Variants in DOCK4 observed in about 807,000 individuals in gnomAD.
The protein encoded by DOCK4 is dedicator of cytokinesis protein 4.
DOCK4 carries 97 observed loss-of-function variants against 268.1 expected under a neutral mutation model. That is an observed-to-expected ratio of 0.36 (90% CI 0.31 to 0.43). The LOEUF is 0.43. DOCK4 is among the 20% of genes least tolerant of loss of function. DOCK4 has a pLI of 1.00. For missense variants in DOCK4, 2,145 were observed against 2,455.7 expected (o/e 0.87, Z 2.67); for synonymous variants, 954 against 887.2 (o/e 1.08, Z -1.34).
chr7:112,173,040 GACATTTATAA>G (rs1818216689), intron 1 of DOCK4, among the ~76,000 whole-genome samples: 1 of 152,162 alleles, frequency 6.6e-6, no homozygotes, highest in African/African-American at 2.4e-5. Flanking sequence ...TGTTCACACA[GACATTTATAA>G]TTTCACTGGT....
At chr7:112,099,447 A>T (rs1318901951) in intron 1 of DOCK4, among the ~76,000 whole-genome samples, 1 of 152,150 alleles carries the variant, frequency 6.6e-6, no homozygotes, top group Non-Finnish European at 1.5e-5. Context: ...AGTTTACCGC[A>T]TTCCCTAACA....
At chr7:111,861,403 G>C (rs1204262562) in intron 23 of DOCK4, among the ~76,000 whole-genome samples, 2 of 151,978 alleles carry the variant, frequency 1.3e-5, no homozygotes, top group African/African-American at 4.8e-5. Flanking sequence ...TCATACAACA[G>C]TAAAAAATAA....
At chr7:112,168,142 A>G (rs1817764828) in intron 1 of DOCK4, among the ~76,000 whole-genome samples, 1 of 152,228 alleles carries the variant, frequency 6.6e-6, no homozygotes, top group Non-Finnish European at 1.5e-5. Context: ...AGTAAAAATC[A>G]GGTATTAATC....
intron 10 of DOCK4, among the ~76,000 whole-genome samples, chr7:111,942,253 T>C (rs1005775286): frequency 2.6e-5 from 4 of 152,142 alleles, no homozygotes; most frequent in Admixed American, 1.3e-4. Context: ...TCTTTTTTTT[T>C]CCTCTCCATC....
At chr7:111,877,490 C>T (rs1167938189) in intron 16 of DOCK4, among the ~76,000 whole-genome samples, 1 of 152,114 alleles carries the variant, frequency 6.6e-6, no homozygotes, top group Non-Finnish European at 1.5e-5. Context: ...ATTGTGTTGT[C>T]ATAAGAATTA....
chr7:111,728,264 G>GA lies in DOCK4; in HGVS notation c.*9dup. 1 of 1,474,510 alleles carries GA rather than the reference G, an allele frequency of 6.8e-7. No individual in the cohort carries two copies. The highest frequency in any genetic ancestry group is 9.0e-7 in the Non-Finnish European group (1 of 1,112,002). The allele number at this position is 1,474,510 out of a possible 1,614,324, so 91.3% of individuals were successfully genotyped here. A position where few individuals can be genotyped will look rare whatever the true frequency, so the allele number is the denominator to read the frequency against. ...GCAAAGAATGCATCGCAGGTACATAGAAAAGTGACTTATAACTGAGAGACC... is the reference window on the plus strand; with the variant it reads ...GCAAAGAATGCATCGCAGGTACATAGAAAAAGTGACTTATAACTGAGAGACC... On this transcript the variant is annotated 3_prime_UTR_variant, in exon 53 of 53. Transcript: ENST00000428084.
intron 50 of DOCK4, 147 bp downstream of exon 50, chr7:111,736,770 C>G: frequency 1.3e-6 from 1 of 746,552 alleles, no homozygotes; most frequent in Non-Finnish European, 2.3e-6. Context: ...GAATAACTGT[C>G]TTTCATTAAT....
intron 28 of DOCK4, 31 bp from the exon 29 acceptor site, chr7:111,809,432 T>C: frequency 6.6e-7 from 1 of 1,511,552 alleles, no homozygotes; most frequent in Non-Finnish European, 9.0e-7. Context: ...ATCAATACTA[T>C]GGTGTTACAA....
chr7:111,873,199 A>G (rs1160287866), intron 17 of DOCK4, among the ~76,000 whole-genome samples: 1 of 152,240 alleles, frequency 6.6e-6, no homozygotes, highest in African/African-American at 2.4e-5. Context: ...AGTCCAGATA[A>G]GCACAGGGCC....
intron 16 of DOCK4, among the ~76,000 whole-genome samples, chr7:111,890,943 C>A (rs1036452566): frequency 6.6e-6 from 1 of 152,240 alleles, no homozygotes; most frequent in South Asian, 2.1e-4. Flanking sequence ...ACATTTTTAA[C>A]GCAGTTTTTT....
chr7:111,960,278 C>T (rs1338253521), intron 8 of DOCK4, among the ~76,000 whole-genome samples: 14 of 150,644 alleles, frequency 9.3e-5, no homozygotes, highest in Admixed American at 3.3e-4. Context: ...GCAGGAGAAT[C>T]GCTTGAACCC....
chr7:111,796,218 G>C (rs1397422467), intron 30 of DOCK4, among the ~76,000 whole-genome samples: 3 of 152,200 alleles, frequency 2.0e-5, no homozygotes, highest in Non-Finnish European at 4.4e-5. Flanking sequence ...GTGAGTTCAA[G>C]TGCTCAAAGT....
chr7:111,827,712 A>G (rs1463464121), intron 26 of DOCK4, among the ~76,000 whole-genome samples: 2 of 152,216 alleles, frequency 1.3e-5, no homozygotes, highest in African/African-American at 2.4e-5. Context: ...TTTAAGGAAT[A>G]TAACAGTAGT....
chr7:112,187,806 T>A (rs949855324), intron 1 of DOCK4, among the ~76,000 whole-genome samples: 32 of 152,342 alleles, frequency 2.1e-4, no homozygotes, highest in African/African-American at 7.5e-4. Context: ...TAGAATGAGA[T>A]CTAAAATGAT....
intron 1 of DOCK4, among the ~76,000 whole-genome samples, chr7:112,024,908 A>G (rs1183499870): frequency 6.6e-6 from 1 of 152,206 alleles, no homozygotes; most frequent in Non-Finnish European, 1.5e-5. Flanking sequence ...TAAATGTCTT[A>G]CCTTTTATAT....
At chr7:112,130,242 G>A (rs1163223699) in intron 1 of DOCK4, among the ~76,000 whole-genome samples, 1 of 152,104 alleles carries the variant, frequency 6.6e-6, no homozygotes, top group Non-Finnish European at 1.5e-5. Flanking sequence ...ACAGGTACCC[G>A]TTGGGGAGAG....
chr7:111,814,551 A>C (rs1156990382), intron 27 of DOCK4, among the ~76,000 whole-genome samples: 3 of 152,190 alleles, frequency 2.0e-5, no homozygotes, highest in Non-Finnish European at 2.9e-5. Flanking sequence ...CAGATGATCC[A>C]GCAACCCTGG....
intron 27 of DOCK4, among the ~76,000 whole-genome samples, chr7:111,817,486 C>A (rs553337414): frequency 6.6e-6 from 1 of 152,220 alleles, no homozygotes; most frequent in East Asian, 1.9e-4. Flanking sequence ...GCTCTAAGTG[C>A]GGGAAGCTTC....
intron 1 of DOCK4, among the ~76,000 whole-genome samples, chr7:112,103,604 G>A (rs1334911932): frequency 1.3e-5 from 2 of 152,188 alleles, no homozygotes; most frequent in Non-Finnish European, 2.9e-5. Flanking sequence ...TAAACAGTCT[G>A]GGCGCAGTGG....
Sources: gnomAD v4.1 joint callset for allele counts (sites outside exome capture counted in the v4.1 genomes callset) on GRCh38, gnomAD v4.1.1 for gene constraint, MANE v1.5 for transcripts, NCBI Gene and HGNC (gene_info 2026-07-23, HGNC 2026-07-21) for gene names.